Variants in PRR16 observed in about 807,000 individuals in gnomAD.
PRR16 encodes the protein proline rich 16.
Under a neutral mutation model 18.2 loss-of-function variants are expected in PRR16, and 6 were observed. The observed-to-expected ratio is 0.33, with a 90% CI of 0.18 to 0.65. PRR16 has a LOEUF of 0.65. PRR16 is among the 30% of genes least tolerant of loss of function. The pLI is 0.74. For synonymous variants in PRR16, 151 were observed against 147.8 expected, an observed-to-expected ratio of 1.02 and a Z score of -0.16; for missense variants, 412 against 376.6, an observed-to-expected ratio of 1.09 and a Z score of -0.78.
At chr5:120,576,374 C>G (rs929644042) in intron 1 of PRR16, among the ~76,000 whole-genome samples, 1 of 152,014 alleles carries the variant, frequency 6.6e-6, no homozygotes, top group East Asian at 1.9e-4. Flanking sequence ...AGATATTTCT[C>G]AAAAGAAGAT....
intron 1 of PRR16, among the ~76,000 whole-genome samples, chr5:120,535,731 C>G (rs1231701076): frequency 6.6e-6 from 1 of 151,844 alleles, no homozygotes; most frequent in Non-Finnish European, 1.5e-5. Context: ...GTCTGGGAGG[C>G]GGAGGTTGCA....
At chr5:120,761,934 A>G in the PRR16 span, among the ~76,000 whole-genome samples, 1 of 152,062 alleles carries the variant, frequency 6.6e-6, no homozygotes, top group Non-Finnish European at 1.5e-5. Context: ...CCATGAGATC[A>G]ACATTTTTAC....
At chr5:120,512,950 C>A (rs1484080797) in intron 1 of PRR16, among the ~76,000 whole-genome samples, 2 of 152,122 alleles carry the variant, frequency 1.3e-5, no homozygotes, top group East Asian at 3.9e-4. Context: ...GAGGGGATTT[C>A]CTGTAAATGG....
the PRR16 span, among the ~76,000 whole-genome samples, chr5:120,727,314 A>G: frequency 6.6e-6 from 1 of 152,038 alleles, no homozygotes; most frequent in Non-Finnish European, 1.5e-5. Context: ...TCCACTTACA[A>G]GCTGAGGACT....
the PRR16 span, among the ~76,000 whole-genome samples, chr5:120,789,042 T>G: frequency 6.6e-6 from 1 of 152,064 alleles, no homozygotes; most frequent in South Asian, 2.1e-4. Flanking sequence ...CCACATTCTC[T>G]TTGGGGTTTG....
At position 120,530,275 on chromosome 5, in the gene PRR16, A is replaced by G. The variant is rs1003689670; in HGVS notation, c.159+65630A>G. Among the ~76,000 whole-genome samples the G allele has an allele frequency of 1.7e-3, 212 of 125,548 alleles. 1 individual carries two copies. Among genetic ancestry groups the G allele is most frequent in the Admixed American group, 6.5e-3 (82 of 12,690 alleles). 82.4% of individuals were successfully genotyped at this position (125,548 alleles called of 152,430 possible). A position where few individuals can be genotyped will look rare whatever the true frequency, so the allele number is the denominator to read the frequency against. On this transcript the variant is annotated intron_variant, in intron 1 of 1. Coordinates refer to ENST00000407149, the MANE Select transcript of PRR16 (RefSeq NM_001300783.2). ...TGTAAATATATATATATATATATATATATATATATTTATTTATTTATTTAT... is the reference window on the plus strand; with the variant it reads ...TGTAAATATATATATATATATATATGTATATATATTTATTTATTTATTTAT...
At chr5:120,760,460 A>AT in the PRR16 span, among the ~76,000 whole-genome samples, 20 of 152,204 alleles carry the variant, frequency 1.3e-4, no homozygotes, top group African/African-American at 4.6e-4. Flanking sequence ...TCCAGGTATC[A>AT]TATTTTATTT....
At chr5:120,751,534 T>C in the PRR16 span, among the ~76,000 whole-genome samples, 8 of 152,254 alleles carry the variant, frequency 5.3e-5, no homozygotes, top group African/African-American at 1.9e-4. Flanking sequence ...TGATTAGTGA[T>C]ATTGGGCATT....
chr5:120,533,701 T>C (rs1751624446), intron 1 of PRR16, among the ~76,000 whole-genome samples: 1 of 152,158 alleles, frequency 6.6e-6, no homozygotes. Context: ...CAAGGAGATG[T>C]TTTCACTAGG....
the PRR16 span, among the ~76,000 whole-genome samples, chr5:120,793,206 A>C: frequency 6.6e-6 from 1 of 152,172 alleles, no homozygotes; most frequent in East Asian, 1.9e-4. Flanking sequence ...AATATGGTAT[A>C]ACCTTGTGGG....
the PRR16 span, among the ~76,000 whole-genome samples, chr5:120,718,877 C>T: frequency 1.2e-4 from 18 of 152,014 alleles, no homozygotes; most frequent in African/African-American, 4.3e-4. Flanking sequence ...AAGATTGTAA[C>T]CATTACCACA....
chr5:120,782,798 G>C, the PRR16 span, among the ~76,000 whole-genome samples: 1 of 152,098 alleles, frequency 6.6e-6, no homozygotes, highest in Non-Finnish European at 1.5e-5. Context: ...TGGTAATTTG[G>C]AACTAATGTT....
chr5:120,708,882 A>T, the PRR16 span, among the ~76,000 whole-genome samples: 1 of 151,612 alleles, frequency 6.6e-6, no homozygotes, highest in African/African-American at 2.4e-5. Flanking sequence ...TCATTTACAG[A>T]TGATGCAAAA....
At chr5:120,526,271 G>A (rs940753501) in intron 1 of PRR16, among the ~76,000 whole-genome samples, 3 of 152,084 alleles carry the variant, frequency 2.0e-5, no homozygotes, top group Non-Finnish European at 2.9e-5. Flanking sequence ...CGTTCCACCT[G>A]TCTTCTCCTT....
chr5:120,514,703 A>G (rs1389856285), intron 1 of PRR16, among the ~76,000 whole-genome samples: 1 of 152,230 alleles, frequency 6.6e-6, no homozygotes, highest in East Asian at 1.9e-4. Context: ...ACCGTATTCC[A>G]CATTTCTATC....
At chr5:120,517,545 A>G (rs1054885442) in intron 1 of PRR16, among the ~76,000 whole-genome samples, 5 of 152,322 alleles carry the variant, frequency 3.3e-5, no homozygotes, top group African/African-American at 9.6e-5. Context: ...GTAAGGAAAG[A>G]AACATTTGAT....
chr5:120,542,543 A>G (rs1450175616), intron 1 of PRR16, among the ~76,000 whole-genome samples: 1 of 152,142 alleles, frequency 6.6e-6, no homozygotes, highest in Non-Finnish European at 1.5e-5. Context: ...ATGTTCTTCT[A>G]TTTCAGGACC....
At chr5:120,699,650 T>A in the PRR16 span, among the ~76,000 whole-genome samples, 1 of 152,044 alleles carries the variant, frequency 6.6e-6, no homozygotes, top group African/African-American at 2.4e-5. Context: ...AGGGCCTCTA[T>A]AAGTATTAAA....
the PRR16 span, among the ~76,000 whole-genome samples, chr5:120,757,372 C>T: frequency 5.9e-5 from 9 of 152,002 alleles, no homozygotes; most frequent in Admixed American, 3.3e-4. Context: ...GGTAGTTTGA[C>T]AGTAATCGCG....
Sources: allele counts gnomAD v4.1 joint callset (sites outside exome capture counted in the v4.1 genomes callset), GRCh38; gene constraint gnomAD v4.1.1; transcripts MANE v1.5; gene names NCBI Gene and HGNC (gene_info 2026-07-23, HGNC 2026-07-21).